Variants in DCT observed in about 807,000 individuals in gnomAD.
DCT encodes L-dopachrome tautomerase.
DCT carries 47 observed loss-of-function variants against 53.0 expected under a neutral mutation model. The observed-to-expected ratio is 0.89, with a 90% CI of 0.70 to 1.13. The LOEUF is 1.13. Ranked by LOEUF, DCT falls within the 50% of genes most tolerant of loss-of-function variation. The pLI is 0.00. For missense variants in DCT, 669 were observed against 637.4 expected (o/e 1.05, Z -0.53); for synonymous variants, 244 against 237.0 (o/e 1.03, Z -0.27).
At chr13:94,486,903 C>T in the DCT span, among the ~76,000 whole-genome samples, 9 of 152,094 alleles carry the variant, frequency 5.9e-5, no homozygotes, top group Non-Finnish European at 8.8e-5. Flanking sequence ...AGAAATAAGA[C>T]AAACACACAC....
At chr13:94,443,305 T>C in intron 7 of DCT, 131 bp downstream of exon 7, 1 of 687,450 alleles carries the variant, frequency 1.5e-6, no homozygotes, top group Non-Finnish European at 2.5e-6. Flanking sequence ...GCTAGAAAAA[T>C]GGTCAATAAA....
chr13:94,522,552 G>A, the DCT span, among the ~76,000 whole-genome samples: 9 of 151,966 alleles, frequency 5.9e-5, no homozygotes, highest in Non-Finnish European at 8.8e-5. Context: ...TAATACATAC[G>A]GATGTAGTAC....
intron 1 of DCT, 132 bp downstream of exon 1, chr13:94,478,829 G>A (rs981694409): frequency 2.5e-5 from 22 of 868,864 alleles, no homozygotes; most frequent in African/African-American, 2.0e-4. Flanking sequence ...ATATGCTTCC[G>A]ACCAAAACCA....
chr13:94,506,433 A>G, the DCT span, among the ~76,000 whole-genome samples: 1 of 152,242 alleles, frequency 6.6e-6, no homozygotes, highest in South Asian at 2.1e-4. Context: ...AAGAGCCCCC[A>G]GTGGTAAAAT....
In DCT at chr13:94,468,809, T is replaced by C. The variant is rs759047995; in HGVS notation, c.532A>G (p.Asn178Asp). 3.7e-6 allele frequency: 6 copies of C among 1,613,690 alleles called. No individual in the cohort carries two copies. In the African/African-American group the frequency reaches 8.0e-5, roughly 22 times the overall value. The change falls in exon 2 of 8, where the codon AAC (asparagine) becomes GAC (aspartate). Residue 178 changes from asparagine (N) to aspartate (D), a missense_variant. Transcript: ENST00000377028. The stretch of plus-strand genomic sequence containing the variant: ...ACAAAAAAATCATAAACACTGCAGT[T>C]GGCAAACTGCGGCTGGGTTCCATTG... ...GPNGTQPQFANCSVYDFFVWL... is the reference protein window; with the variant it reads ...GPNGTQPQFADCSVYDFFVWL...
the DCT span, among the ~76,000 whole-genome samples, chr13:94,548,606 T>C: frequency 1.3e-5 from 2 of 150,942 alleles, no homozygotes; most frequent in African/African-American, 4.9e-5. Flanking sequence ...TAACATCAGG[T>C]GCCTGGGCCT....
chr13:94,472,583 T>G, intron 1 of DCT, among the ~76,000 whole-genome samples: 1 of 81,308 alleles, frequency 1.2e-5, no homozygotes, highest in Non-Finnish European at 2.5e-5. Context: ...TTTTTTTTTT[T>G]TTTTTTTTTT....
In DCT at chr13:94,468,957, C is replaced by G. The variant is rs762655727; in HGVS notation, c.384G>C (p.Gln128His). Residue 128 changes from glutamine (Q) to histidine (H), a missense_variant, in exon 2 of 8, where the codon CAG (glutamine) becomes CAC (histidine). Gln to His is a conservative substitution (Grantham distance 24, BLOSUM62 0). Transcript: ENST00000377028. ...CCTGAGGACTCAAGGAATGGATGTT[C>G]TGCCGAATCACTGGTGGTTTCTTCC... Reference protein sequence around the residue: ...CERKKPPVIRQNIHSLSPQER... With the variant: ...CERKKPPVIRHNIHSLSPQER... The G allele has an allele frequency of 6.2e-7, 1 of 1,614,150 alleles. No individual in the cohort carries two copies. The highest frequency in any genetic ancestry group is 2.2e-5 in the East Asian group (1 of 44,878).
At chr13:94,469,180 C>G in intron 1 of DCT, 135 bp from the exon 2 acceptor site, 1 of 682,988 alleles carries the variant, frequency 1.5e-6, no homozygotes, top group Non-Finnish European at 2.5e-6. Context: ...GTCAATTTTC[C>G]TCCCATGGTC....
intron 7 of DCT, among the ~76,000 whole-genome samples, chr13:94,441,448 C>T (rs928224331): frequency 3.9e-5 from 6 of 152,150 alleles, no homozygotes; most frequent in African/African-American, 7.2e-5. Context: ...GTGCGACCAT[C>T]GCCACCATCC....
chr13:94,537,854 T>A, the DCT span, among the ~76,000 whole-genome samples: 1 of 152,012 alleles, frequency 6.6e-6, no homozygotes, highest in African/African-American at 2.4e-5. Context: ...TTGATTCTCA[T>A]GTTAGGAAAT....
chr13:94,537,639 AAAAC>A, the DCT span, among the ~76,000 whole-genome samples: 15 of 152,082 alleles, frequency 9.9e-5, no homozygotes, highest in African/African-American at 3.1e-4. Context: ...GTGAGAAAAA[AAAAC>A]AAATAAAAAC....
chr13:94,443,112 T>C (rs1882460605), intron 7 of DCT, among the ~76,000 whole-genome samples: 3 of 152,152 alleles, frequency 2.0e-5, no homozygotes, highest in South Asian at 4.1e-4. Context: ...CAAAGAACCA[T>C]AGGGAGGTTT....
In DCT at chr13:94,479,561, G is replaced by A. The variant is rs1885348785; in HGVS notation, c.-306C>T. 7.5e-6 allele frequency: 2 copies of A among 267,074 alleles called. No homozygotes were observed. 16.5% of individuals were successfully genotyped at this position (267,074 alleles called of 1,614,324 possible). A position where few individuals can be genotyped will look rare whatever the true frequency, so the allele number is the denominator to read the frequency against. On this transcript the variant is annotated 5_prime_UTR_variant, in exon 1 of 8. Coordinates refer to ENST00000377028, the MANE Select transcript of DCT (RefSeq NM_001922.5). ...GCTTCTCACCATCTTCCCCCGTTAA[G>A]TCAGGCTTTGTCTAATTGAGTTAAT... is the stretch of plus-strand genomic sequence containing the variant.
At chr13:94,522,875 CTG>C in the DCT span, among the ~76,000 whole-genome samples, 2 of 152,198 alleles carry the variant, frequency 1.3e-5, no homozygotes, top group Non-Finnish European at 2.9e-5. Flanking sequence ...TGAATTGAGT[CTG>C]TGTTTTTCCT....
At chr13:94,464,623 A>T (rs1355913769) in intron 4 of DCT, among the ~76,000 whole-genome samples, 1 of 151,940 alleles carries the variant, frequency 6.6e-6, no homozygotes, top group East Asian at 1.9e-4. Context: ...CTGGTGACAG[A>T]GTGAGACTCC....
the DCT span, among the ~76,000 whole-genome samples, chr13:94,524,481 T>G: frequency 6.6e-6 from 1 of 152,212 alleles, no homozygotes; most frequent in Non-Finnish European, 1.5e-5. Flanking sequence ...CCTCTGCCAC[T>G]GGCCTGGAGA....
chr13:94,522,906 G>A, the DCT span, among the ~76,000 whole-genome samples: 1 of 152,212 alleles, frequency 6.6e-6, no homozygotes, highest in African/African-American at 2.4e-5. Context: ...CAAGCTGCAG[G>A]AGCATTAACC....
At chr13:94,442,614 C>T (rs1414402159) in intron 7 of DCT, among the ~76,000 whole-genome samples, 2 of 152,184 alleles carry the variant, frequency 1.3e-5, no homozygotes, top group Admixed American at 6.5e-5. Flanking sequence ...AATATCCTCC[C>T]ATATGTTGAA....
Sources: allele counts gnomAD v4.1 joint callset (sites outside exome capture counted in the v4.1 genomes callset), GRCh38; gene constraint gnomAD v4.1.1; transcripts MANE v1.5; gene names NCBI Gene and HGNC (gene_info 2026-07-23, HGNC 2026-07-21).